The following NAV2 variants were observed in gnomAD, a reference collection of about 807,000 sequenced individuals.
NAV2 encodes the protein neuron navigator 2, also known as helicase, APC down-regulated 1.
In NAV2, 54 loss-of-function variants were observed where a neutral mutation model predicts 223.2. The observed-to-expected ratio is 0.24, with a 90% CI of 0.19 to 0.30. The LOEUF is 0.30. Ranked by LOEUF, NAV2 falls within the 10% of genes least tolerant of loss-of-function variation. The pLI is 1.00. For missense variants in NAV2, 2,806 were observed against 3,147.5 expected, an observed-to-expected ratio of 0.89 and a Z score of 2.60; for synonymous variants, 1,279 against 1,239.3, an observed-to-expected ratio of 1.03 and a Z score of -0.67.
intron 1 of NAV2, among the ~76,000 whole-genome samples, chr11:19,473,891 G>A (rs1035222534): frequency 8.5e-5 from 13 of 152,170 alleles, no homozygotes; most frequent in Non-Finnish European, 1.6e-4. Flanking sequence ...GCCAAGAATT[G>A]CCTTATGCTG....
chr11:19,508,200 G>A (rs956854539), intron 1 of NAV2, among the ~76,000 whole-genome samples: 4 of 152,092 alleles, frequency 2.6e-5, no homozygotes, highest in Admixed American at 2.0e-4. Context: ...TTCTCTTCCT[G>A]AGGCTGTCCT....
rs187427896 is a variant in NAV2, at chr11:19,379,204, G to T, written c.75+28177G>T. ...GATTGGAAACTTGCAGTGTGGCTCA[G>T]GGTCAGACAGACTGGATGGGGCGTG... On this transcript the variant is annotated intron_variant, in intron 1 of 37. Transcript: ENST00000360655. Among the ~76,000 whole-genome samples the T allele has an allele frequency of 1.6e-3, 250 of 152,284 alleles. 1 individual carries two copies. The highest frequency in any genetic ancestry group is 3.4e-3 in the Middle Eastern group (1 of 292).
intron 1 of NAV2, among the ~76,000 whole-genome samples, chr11:19,823,501 C>A (rs1343621683): frequency 6.6e-6 from 1 of 152,162 alleles, no homozygotes; most frequent in Non-Finnish European, 1.5e-5. Context: ...AGCCACCGTG[C>A]CCAGCCTATT....
At chr11:20,022,910 T>G in intron 11 of NAV2, 1 of 1,365,746 alleles carries the variant, frequency 7.3e-7, no homozygotes, top group Non-Finnish European at 9.6e-7. Flanking sequence ...GAGGTTAATT[T>G]TGTTGGGGGA....
intron 1 of NAV2, chr11:19,502,594 T>C (rs2042995012): frequency 6.6e-6 from 1 of 152,218 alleles, no homozygotes; most frequent in Non-Finnish European, 1.5e-5. Context: ...TATACCTCTG[T>C]TTTCCCATTT....
At position 20,108,987 on chromosome 11, in the gene NAV2, G is replaced by A. The variant is rs187789160; in HGVS notation, c.6960+1205G>A. Among the ~76,000 whole-genome samples, 643 of 152,344 alleles carry A rather than the reference G, an allele frequency of 4.2e-3. 4 individuals carry two copies. The highest frequency in any genetic ancestry group is 0.015 in the African/African-American group (608 of 41,582). On this transcript the variant is annotated intron_variant, in intron 36 of 37. Transcript: ENST00000349880. ...TTTTGTTTCCTTGGTACTGGACAGT[G>A]GGAGACACAAGATGCTATCGTAGGC...
chr11:19,868,194 G>A (rs1220205688), intron 3 of NAV2, among the ~76,000 whole-genome samples: 3 of 152,104 alleles, frequency 2.0e-5, no homozygotes, highest in African/African-American at 7.2e-5. Context: ...TTTTACTTAT[G>A]GTACCCGTTG....
intron 1 of NAV2, among the ~76,000 whole-genome samples, chr11:19,663,280 G>A (rs2048334233): frequency 6.6e-6 from 1 of 152,202 alleles, no homozygotes; most frequent in African/African-American, 2.4e-5. Flanking sequence ...AACACAAGCT[G>A]ATGTTTATGG....
chr11:19,602,976 C>A (rs1044119015), intron 1 of NAV2, among the ~76,000 whole-genome samples: 1 of 152,160 alleles, frequency 6.6e-6, no homozygotes, highest in African/African-American at 2.4e-5. Flanking sequence ...GGAGGAAGGG[C>A]ATTCTAAGTT....
chr11:19,672,299 A>AT (rs2048594893), intron 1 of NAV2, among the ~76,000 whole-genome samples: 1 of 152,062 alleles, frequency 6.6e-6, no homozygotes, highest in African/African-American at 2.4e-5. Flanking sequence ...ACTTTTCTCC[A>AT]TTTTTTTATT....
At chr11:19,528,372 AG>A (rs1405166785) in intron 1 of NAV2, among the ~76,000 whole-genome samples, 1 of 152,128 alleles carries the variant, frequency 6.6e-6, no homozygotes, top group African/African-American at 2.4e-5. Flanking sequence ...TTTGCAGTTT[AG>A]GGACACTGCT....
At chr11:19,953,910 G>A (rs1031611276) in intron 10 of NAV2, among the ~76,000 whole-genome samples, 1 of 151,994 alleles carries the variant, frequency 6.6e-6, no homozygotes, top group Non-Finnish European at 1.5e-5. Flanking sequence ...GGAGTTCCTA[G>A]CAGGCAGACA....
chr11:19,529,799 G>A (rs1012353713), intron 1 of NAV2, among the ~76,000 whole-genome samples: 13 of 152,184 alleles, frequency 8.5e-5, no homozygotes, highest in African/African-American at 1.9e-4. Flanking sequence ...AGAGACCAGC[G>A]GGCCTCCTGC....
At chr11:19,938,037 G>T (rs751441323) in intron 7 of NAV2, among the ~76,000 whole-genome samples, 3 of 152,200 alleles carry the variant, frequency 2.0e-5, no homozygotes, top group Non-Finnish European at 4.4e-5. Flanking sequence ...AGGCAGAGAG[G>T]TTGTAGTTAC....
At chr11:20,055,628 ACTAC>A in intron 18 of NAV2, 137 bp from the exon 19 acceptor site, 1 of 724,754 alleles carries the variant, frequency 1.4e-6, no homozygotes, top group Admixed American at 2.8e-5. Flanking sequence ...TGCTGATGGG[ACTAC>A]CTTTTAGAAA....
At position 20,103,371 on chromosome 11, in the gene NAV2, G is replaced by T; in HGVS notation, c.6534G>T (p.Glu2178Asp). The T allele has an allele frequency of 6.2e-7, 1 of 1,614,150 alleles. No individual in the cohort carries two copies. The highest frequency in any genetic ancestry group is 8.5e-7 in the Non-Finnish European group (1 of 1,179,986). ...TACACCACGTGAGCTCTCTGGGAGA[G>T]ATCTTCAATGGGCTGCTCAACTGCA... is the stretch of plus-strand genomic sequence containing the variant. ...DNLHHVSSLG[E>D]IFNGLLNCKY... Residue 2178 changes from glutamate to aspartate, a missense_variant, in exon 33 of 38, where the codon GAG (glutamate) becomes GAT (aspartate). Around this residue, in one of 4 missense-constraint regions of NAV2, gnomAD observed 824 missense variants for 1,069.4 expected, o/e 0.77. Coordinates refer to ENST00000349880, the MANE Select transcript of NAV2 (RefSeq NM_145117.5).
At chr11:19,436,847 A>G (rs553995458) in intron 1 of NAV2, among the ~76,000 whole-genome samples, 3 of 152,194 alleles carry the variant, frequency 2.0e-5, no homozygotes, top group Admixed American at 1.3e-4. Flanking sequence ...GCTTTTATAA[A>G]TAGGATTGTT....
chr11:19,823,988 GA>G (rs898162992), intron 1 of NAV2, among the ~76,000 whole-genome samples: 3 of 152,066 alleles, frequency 2.0e-5, no homozygotes, highest in African/African-American at 7.2e-5. Flanking sequence ...AATCTGTTTG[GA>G]AAAAAATCCC....
At chr11:19,636,487 GTATT>G (rs2047505438) in intron 1 of NAV2, among the ~76,000 whole-genome samples, 1 of 149,668 alleles carries the variant, frequency 6.7e-6, no homozygotes, top group South Asian at 2.1e-4. Context: ...GAGTTCTGCA[GTATT>G]TTTTTTTTTT....
Sources: allele counts gnomAD v4.1 joint callset (sites outside exome capture counted in the v4.1 genomes callset), GRCh38; gene constraint gnomAD v4.1.1; regional missense constraint gnomAD v4.1.1; transcripts MANE v1.5; gene names NCBI Gene and HGNC (gene_info 2026-07-23, HGNC 2026-07-21).